RORA: variants seen among roughly 807,000 people sequenced by gnomAD.
The protein encoded by RORA is nuclear receptor ROR-alpha.
Under a neutral mutation model 69.5 loss-of-function variants are expected in RORA, and 7 were observed. That is an observed-to-expected ratio of 0.10 (90% CI 0.06 to 0.19). The LOEUF is 0.19. RORA is among the 10% of genes least tolerant of loss of function. The pLI is 1.00. For synonymous variants in RORA, 261 were observed against 240.8 expected (o/e 1.08, Z -0.78); for missense variants, 457 against 663.0 (o/e 0.69, Z 3.41).
chr15:60,835,978 A>T (rs899933519), intron 1 of RORA, among the ~76,000 whole-genome samples: 1 of 152,244 alleles, frequency 6.6e-6, no homozygotes, highest in African/African-American at 2.4e-5. Context: ...CAAGGCATAC[A>T]TGAATACCTA....
chr15:60,767,529 G>A (rs567361173), intron 1 of RORA, among the ~76,000 whole-genome samples: 16 of 152,250 alleles, frequency 1.1e-4, no homozygotes, highest in South Asian at 4.1e-4. Context: ...TAGCTTTGAA[G>A]CATCCTTCTT....
intron 1 of RORA, among the ~76,000 whole-genome samples, chr15:61,076,662 C>T (rs2078454254): frequency 6.6e-6 from 1 of 152,202 alleles, no homozygotes; most frequent in South Asian, 2.1e-4. Context: ...GTGATACCAT[C>T]ATCATGCCGT....
intron 2 of RORA, among the ~76,000 whole-genome samples, chr15:60,624,877 C>A (rs1466566465): frequency 1.3e-5 from 2 of 152,006 alleles, no homozygotes; most frequent in African/African-American, 4.8e-5. Flanking sequence ...GCATTAGCAA[C>A]CCCAGTATCA....
chr15:60,518,272 C>T (rs1314418814), intron 3 of RORA, among the ~76,000 whole-genome samples: 1 of 152,250 alleles, frequency 6.6e-6, no homozygotes, highest in East Asian at 1.9e-4. Context: ...TGCATACATA[C>T]ATTAAGTTAA....
At chr15:60,855,075 T>A (rs993693035) in intron 1 of RORA, among the ~76,000 whole-genome samples, 1 of 152,216 alleles carries the variant, frequency 6.6e-6, no homozygotes, top group Non-Finnish European at 1.5e-5. Context: ...ATTGTGCTTG[T>A]CTGTGTGGCT....
chr15:61,081,113 C>T lies in RORA; in HGVS notation c.166+147940G>A, dbSNP rs192921402. 2.5e-3 allele frequency among the ~76,000 whole-genome samples: 384 copies of T among 152,278 alleles called. 3 individuals carry two copies. Among genetic ancestry groups the T allele is most frequent in the South Asian group, 0.018 (87 of 4,824 alleles). ...ACAGTACATACATATTTCTGGTAAG[C>T]GCCATGGAGAGCCTCACATCTGTTA... On this transcript the variant is annotated intron_variant, in intron 1 of 10. Transcript: ENST00000335670.
chr15:61,067,749 T>C (rs1270889713), intron 1 of RORA, among the ~76,000 whole-genome samples: 1 of 152,208 alleles, frequency 6.6e-6, no homozygotes, highest in Non-Finnish European at 1.5e-5. Context: ...TGCTGCCAGG[T>C]TCAAGGAACA....
chr15:60,550,731 G>A (rs2067207171), intron 2 of RORA, among the ~76,000 whole-genome samples: 1 of 152,212 alleles, frequency 6.6e-6, no homozygotes, highest in Non-Finnish European at 1.5e-5. Context: ...AGGGGATGAT[G>A]AGGGAAAAGA....
chr15:60,545,458 C>A (rs1168172491), intron 2 of RORA, among the ~76,000 whole-genome samples: 1 of 152,168 alleles, frequency 6.6e-6, no homozygotes, highest in East Asian at 1.9e-4. Flanking sequence ...GTTTCTTGTT[C>A]TTGGAATCAG....
chr15:60,985,668 T>C (rs1476578041), intron 1 of RORA, among the ~76,000 whole-genome samples: 1 of 140,980 alleles, frequency 7.1e-6, no homozygotes, highest in Non-Finnish European at 1.5e-5. Context: ...CACTGCAAGC[T>C]CTGGCTTCCG....
intron 2 of RORA, chr15:60,614,743 T>G: frequency 1.5e-6 from 1 of 662,190 alleles, no homozygotes. Flanking sequence ...GCTTAATATC[T>G]AAAACTCAGT....
intron 1 of RORA, among the ~76,000 whole-genome samples, chr15:60,922,849 C>T (rs1189861587): frequency 6.6e-6 from 1 of 152,182 alleles, no homozygotes; most frequent in Non-Finnish European, 1.5e-5. Flanking sequence ...ACATCTAATA[C>T]TATAAAGGAA....
chr15:60,909,626 G>A (rs1186797463), intron 1 of RORA, among the ~76,000 whole-genome samples: 2 of 152,206 alleles, frequency 1.3e-5, no homozygotes, highest in Non-Finnish European at 2.9e-5. Context: ...TCATTTTATA[G>A]GCAGAGAGAC....
intron 1 of RORA, among the ~76,000 whole-genome samples, chr15:61,148,641 T>C (rs2079371706): frequency 6.6e-6 from 1 of 152,200 alleles, no homozygotes; most frequent in Admixed American, 6.5e-5. Context: ...AATTGCTTAA[T>C]GACATTAATT....
intron 1 of RORA, among the ~76,000 whole-genome samples, chr15:60,864,484 G>GTTTT (rs11388901): frequency 6.8e-6 from 1 of 147,562 alleles, no homozygotes; most frequent in Non-Finnish European, 1.5e-5. Flanking sequence ...TACCATCCTT[G>GTTTT]TTTTTTTTTT....
chr15:60,918,019 T>C lies in RORA; in HGVS notation c.167-239333A>G, dbSNP rs1891930193. 2.6e-5 allele frequency among the ~76,000 whole-genome samples: 4 copies of C among 152,212 alleles called. No homozygotes were observed. The South Asian group carries it at 8.3e-4, about 31-fold the overall frequency. ...GTAACAGCAAACCTTGGAGAGTTTA[T>C]ACCATGTGTCCCTGTACGTAACCTC... On this transcript the variant is annotated intron_variant, in intron 1 of 10. Transcript: ENST00000335670.
At chr15:60,997,352 C>T (rs1336868203) in intron 1 of RORA, among the ~76,000 whole-genome samples, 1 of 152,098 alleles carries the variant, frequency 6.6e-6, no homozygotes, top group Non-Finnish European at 1.5e-5. Flanking sequence ...AACAATTTGT[C>T]TACGAACATA....
At chr15:61,132,840 T>C (rs141189652) in intron 1 of RORA, among the ~76,000 whole-genome samples, 241 of 152,306 alleles carry the variant, frequency 1.6e-3, no homozygotes, top group African/African-American at 4.9e-3. Flanking sequence ...ATTTATATGA[T>C]TGACCTGTAT....
intron 2 of RORA, among the ~76,000 whole-genome samples, chr15:60,603,205 A>C (rs1223600402): frequency 6.6e-6 from 1 of 152,260 alleles, no homozygotes; most frequent in Non-Finnish European, 1.5e-5. Flanking sequence ...GGCAATCAAA[A>C]ATAAAGCTGG....
Sources: gnomAD v4.1 joint callset for allele counts (sites outside exome capture counted in the v4.1 genomes callset) on GRCh38, gnomAD v4.1.1 for gene constraint, MANE v1.5 for transcripts, NCBI Gene and HGNC (gene_info 2026-07-23, HGNC 2026-07-21) for gene names.